The following SCGB1D1 variants were observed in gnomAD, a reference collection of about 807,000 sequenced individuals.
SCGB1D1 encodes secretoglobin family 1D member 1.
A neutral mutation model predicts 8.3 loss-of-function variants in SCGB1D1; 10 were observed. The ratio of observed to expected loss-of-function variants is 1.21; its 90% confidence interval spans 0.74 to 2.05. SCGB1D1 has a LOEUF of 2.05. Ranked by LOEUF, SCGB1D1 falls within the 30% of genes most tolerant of loss-of-function variation. The pLI, the probability that SCGB1D1 is intolerant of heterozygous loss-of-function variation, is 0.00. For synonymous variants in SCGB1D1, 46 were observed against 41.7 expected (o/e 1.10, Z -0.39); for missense variants, 94 against 105.1 (o/e 0.89, Z 0.46).
chr11:62,193,398 G>A lies in SCGB1D1; in HGVS notation c.244-1G>A. On this transcript the variant is annotated splice_acceptor_variant, in intron 2 of 2. Coordinates refer to ENST00000306238, the MANE Select transcript of SCGB1D1 (RefSeq NM_006552.2). LOFTEE classifies it high-confidence loss of function. Reference sequence around the variant, plus strand: ...TTCCTTTCTTTCCTTTTCTATTTCAGGGAAAAATAGCAGAGAAATGTGATC... The same window carrying A: ...TTCCTTTCTTTCCTTTTCTATTTCAAGGAAAAATAGCAGAGAAATGTGATC... 1 of 1,612,274 alleles carries A rather than the reference G, an allele frequency of 6.2e-7. No individual in the cohort carries two copies. Among genetic ancestry groups the A allele is most frequent in the Non-Finnish European group, 8.5e-7 (1 of 1,179,196 alleles).
intron 1 of SCGB1D1, among the ~76,000 whole-genome samples, 182 bp downstream of exon 1, chr11:62,190,521 T>C (rs1944670497): frequency 6.6e-6 from 1 of 152,118 alleles, no homozygotes; most frequent in Non-Finnish European, 1.5e-5. Flanking sequence ...CCCCAGTACC[T>C]AGGAAGTTTT....
intron 1 of SCGB1D1, 42 bp from the exon 2 acceptor site, chr11:62,192,014 T>C (rs536506838): frequency 6.5e-7 from 1 of 1,543,836 alleles, no homozygotes; most frequent in East Asian, 2.3e-5. Flanking sequence ...GGAGAAACAC[T>C]GATTTCCTTA....
At chr11:62,191,927 C>A (rs1057424713) in intron 1 of SCGB1D1, 129 bp from the exon 2 acceptor site, 6 of 781,034 alleles carry the variant, frequency 7.7e-6, no homozygotes, top group Admixed American at 3.0e-5. Flanking sequence ...CTGGGTCTGA[C>A]ATTGTCATTG....
chr11:62,192,688 A>G (rs902324815), intron 2 of SCGB1D1, among the ~76,000 whole-genome samples: 1 of 152,208 alleles, frequency 6.6e-6, no homozygotes, highest in Non-Finnish European at 1.5e-5. Flanking sequence ...GGGCTCCTGC[A>G]GATGCTGCGC....
chr11:62,193,429 G>C lies in SCGB1D1; in HGVS notation c.*1G>C. Reference sequence around the variant, plus strand: ...AATAGCAGAGAAATGTGATCGCTGAGATGTAAAAAGTTTTTAATGCTAGTT... The same window carrying C: ...AATAGCAGAGAAATGTGATCGCTGACATGTAAAAAGTTTTTAATGCTAGTT... On this transcript the variant is annotated 3_prime_UTR_variant, in exon 3 of 3. Transcript: ENST00000306238. 6.2e-7 allele frequency: 1 copy of C among 1,612,118 alleles called. No homozygotes were observed. The highest frequency in any genetic ancestry group is 8.5e-7 in the Non-Finnish European group (1 of 1,178,944).
chr11:62,191,513 C>A (rs1944677682), intron 1 of SCGB1D1, among the ~76,000 whole-genome samples: 2 of 152,260 alleles, frequency 1.3e-5, no homozygotes, highest in South Asian at 2.1e-4. Context: ...AATTTGTTTA[C>A]CTTTTAGCTC....
chr11:62,192,336 G>T, intron 2 of SCGB1D1, 93 bp downstream of exon 2: 6 of 1,159,734 alleles, frequency 5.2e-6, no homozygotes, highest in Non-Finnish European at 7.4e-6. Context: ...AGGGACACAG[G>T]TGGTGGGGCA....
At chr11:62,192,034 T>C in intron 1 of SCGB1D1, 22 bp from the exon 2 acceptor site, 1 of 1,577,446 alleles carries the variant, frequency 6.3e-7, no homozygotes, top group Non-Finnish European at 8.6e-7. Flanking sequence ...ACACAAATTA[T>C]ATTTTTATTC....
chr11:62,191,171 C>T (rs892479471), intron 1 of SCGB1D1, among the ~76,000 whole-genome samples: 2 of 151,688 alleles, frequency 1.3e-5, no homozygotes, highest in Non-Finnish European at 2.9e-5. Flanking sequence ...CTGAACCTCT[C>T]CCTGTTTCCC....
At position 62,193,418 on chromosome 11, in the gene SCGB1D1, G is replaced by T; in HGVS notation, c.263G>T (p.Cys88Phe). 1 of 1,612,834 alleles carries T rather than the reference G, an allele frequency of 6.2e-7. No individual in the cohort carries two copies. Among genetic ancestry groups the T allele is most frequent in the Non-Finnish European group, 8.5e-7 (1 of 1,179,432 alleles). ...TKTLGKIAEK[C>F]DR ...TTTCAGGGAAAAATAGCAGAGAAAT[G>T]TGATCGCTGAGATGTAAAAAGTTTT... Residue 88 changes from cysteine to phenylalanine, a missense_variant, in exon 3 of 3, where the codon TGT becomes TTT. Physicochemically the swap from Cys to Phe is radical, Grantham distance 205 (BLOSUM62 -2). Transcript: ENST00000306238.
intron 1 of SCGB1D1, among the ~76,000 whole-genome samples, chr11:62,191,784 C>A (rs1319881806): frequency 6.6e-6 from 1 of 152,134 alleles, no homozygotes; most frequent in Non-Finnish European, 1.5e-5. Context: ...CGTTGGCCAT[C>A]CATCCAGAGA....
At chr11:62,192,560 T>C (rs1035542590) in intron 2 of SCGB1D1, among the ~76,000 whole-genome samples, 3 of 152,142 alleles carry the variant, frequency 2.0e-5, no homozygotes, top group African/African-American at 7.2e-5. Context: ...AGCACAACTG[T>C]CTCTCCACCT....
At position 62,192,207 on chromosome 11, in the gene SCGB1D1, G is replaced by A; in HGVS notation, c.207G>A (p.Met69Ile). Residue 69 changes from methionine to isoleucine, a missense_variant, in exon 2 of 3, where the codon ATG becomes ATA. Transcript: ENST00000306238. ...AAGTGAAGAAATGCGTGGATACGATGGCCTATGAGAAAAGAGTGCTAATTA... is the reference window on the plus strand; with the variant it reads ...AAGTGAAGAAATGCGTGGATACGATAGCCTATGAGAAAAGAGTGCTAATTA... ...KMEVKKCVDT[M>I]AYEKRVLITK... 1 of 1,612,922 alleles carries A rather than the reference G, an allele frequency of 6.2e-7. No homozygotes were observed. The highest frequency in any genetic ancestry group is 8.5e-7 in the Non-Finnish European group (1 of 1,179,104).
intron 1 of SCGB1D1, 40 bp from the exon 2 acceptor site, chr11:62,192,016 A>G (rs1392561340): frequency 6.5e-7 from 1 of 1,548,928 alleles, no homozygotes; most frequent in African/African-American, 1.4e-5. Context: ...AGAAACACTG[A>G]TTTCCTTACA....
rs966053796 is a variant in SCGB1D1, at chr11:62,190,261, G to A, written c.-24G>A. On this transcript the variant is annotated 5_prime_UTR_variant, in exon 1 of 3. Transcript: ENST00000306238. ...AAATCACTCATCATTGGTTAAAGCCGAGCTCACAGCAGAATAAGCCACCAT... is the reference window on the plus strand; with the variant it reads ...AAATCACTCATCATTGGTTAAAGCCAAGCTCACAGCAGAATAAGCCACCAT... The A allele has an allele frequency of 9.3e-6, 15 of 1,614,102 alleles. No homozygotes were observed. The highest frequency in any genetic ancestry group is 6.7e-5 in the East Asian group (3 of 44,870).
intron 1 of SCGB1D1, among the ~76,000 whole-genome samples, chr11:62,190,703 G>T (rs1230293132): frequency 6.6e-6 from 1 of 152,116 alleles, no homozygotes; most frequent in East Asian, 1.9e-4. Context: ...TCCTATCTCT[G>T]GTGCTTAGAG....
At chr11:62,190,719 T>G (rs7950805) in intron 1 of SCGB1D1, among the ~76,000 whole-genome samples, 136,743 of 152,090 alleles carry the variant, frequency 0.9, 63,267 homozygotes, top group East Asian at 1. Context: ...TAGAGCTTCT[T>G]CCGGGAGTGG....
chr11:62,191,609 T>C (rs1217013449), intron 1 of SCGB1D1, among the ~76,000 whole-genome samples: 4 of 152,248 alleles, frequency 2.6e-5, no homozygotes. Context: ...TAACTTCTTC[T>C]GTTCCAGATT....
At chr11:62,190,519 C>T (rs1157993689) in intron 1 of SCGB1D1, among the ~76,000 whole-genome samples, 180 bp downstream of exon 1, 1 of 152,136 alleles carries the variant, frequency 6.6e-6, no homozygotes, top group African/African-American at 2.4e-5. Context: ...ATCCCCAGTA[C>T]CTAGGAAGTT....
Sources: gnomAD v4.1 joint callset for allele counts (sites outside exome capture counted in the v4.1 genomes callset) on GRCh38, gnomAD v4.1.1 for gene constraint, MANE v1.5 for transcripts, NCBI Gene and HGNC (gene_info 2026-07-23, HGNC 2026-07-21) for gene names.